ARID1B: variants seen among roughly 807,000 people sequenced by gnomAD.
The protein encoded by ARID1B is AT-rich interaction domain 1B.
ARID1B carries 30 observed loss-of-function variants against 212.3 expected under a neutral mutation model. The observed-to-expected ratio is 0.14, with a 90% CI of 0.11 to 0.19. ARID1B has a LOEUF of 0.19. Ranked by LOEUF, ARID1B falls within the 10% of genes least tolerant of loss-of-function variation. The pLI is 1.00. For missense variants in ARID1B, 2,891 were observed against 3,204.0 expected, an observed-to-expected ratio of 0.90 and a Z score of 2.36; for synonymous variants, 1,402 against 1,301.7, an observed-to-expected ratio of 1.08 and a Z score of -1.66.
intron 4 of ARID1B, among the ~76,000 whole-genome samples, chr6:156,985,963 C>A (rs1374438000): frequency 6.6e-6 from 1 of 152,154 alleles, no homozygotes; most frequent in Non-Finnish European, 1.5e-5. Context: ...GATGTAATGT[C>A]CTGTTGCACC....
At chr6:157,142,433 C>T (rs1056658590) in intron 7 of ARID1B, among the ~76,000 whole-genome samples, 3 of 152,050 alleles carry the variant, frequency 2.0e-5, no homozygotes, top group Non-Finnish European at 2.9e-5. Context: ...TGAGACTAGC[C>T]CGGGCAACAT....
At chr6:157,030,381 C>G (rs1247641909) in intron 4 of ARID1B, 1 of 152,250 alleles carries the variant, frequency 6.6e-6, no homozygotes, top group Non-Finnish European at 1.5e-5. Context: ...CCAGGTAAAT[C>G]ATAAATCCAG....
chr6:157,039,672 TCCTTCCTTCCTTCCTTCCTTCC>T (rs770054258), intron 4 of ARID1B, among the ~76,000 whole-genome samples: 4,442 of 107,088 alleles, frequency 0.041, 161 homozygotes, highest in Non-Finnish European at 0.065. Flanking sequence ...CTTCCTTCCT[TCCTTCCTTCCTTCCTTCCTTCC>T]TTCTTTCTTT....
At chr6:157,126,335 C>T (rs149346953) in intron 6 of ARID1B, among the ~76,000 whole-genome samples, 9 of 152,260 alleles carry the variant, frequency 5.9e-5, no homozygotes, top group African/African-American at 1.9e-4. Flanking sequence ...GAATGGGAGA[C>T]GCAGCCTCTA....
rs565535332 is a variant in ARID1B, at chr6:156,966,795, G to C, written c.2247+31219G>C. Among the ~76,000 whole-genome samples, 9 of 152,350 alleles carry C rather than the reference G, an allele frequency of 5.9e-5. No homozygotes were observed. In the South Asian group the frequency reaches 1.2e-3, roughly 21 times the overall value. On this transcript the variant is annotated intron_variant, in intron 4 of 19. Transcript: ENST00000636930. ...GGCTCACTGCATCCTCCGCCTTTCG[G>C]GTTCAAGCGTTTCTCCTGCCTTAGC...
At chr6:157,097,308 C>G (rs1254026741) in intron 5 of ARID1B, among the ~76,000 whole-genome samples, 2 of 152,180 alleles carry the variant, frequency 1.3e-5, no homozygotes, top group Non-Finnish European at 2.9e-5. Context: ...TTGGTCTCAA[C>G]TTTATACATT....
intron 6 of ARID1B, among the ~76,000 whole-genome samples, chr6:157,130,554 A>AATTTC (rs1314171768): frequency 7.9e-5 from 12 of 152,260 alleles, no homozygotes; most frequent in Admixed American, 7.2e-4. Context: ...AATTGAGCCC[A>AATTTC]ATTTCATAAG....
At chr6:156,847,132 C>G (rs928962947) in intron 2 of ARID1B, among the ~76,000 whole-genome samples, 1 of 152,026 alleles carries the variant, frequency 6.6e-6, no homozygotes, top group African/African-American at 2.4e-5. Flanking sequence ...TACCAGAAAC[C>G]TCTGCAAAGG....
chr6:156,937,538 T>C (rs1562496960), intron 4 of ARID1B: 1 of 152,360 alleles, frequency 6.6e-6, no homozygotes, highest in East Asian at 1.9e-4. Flanking sequence ...CATCACTCAC[T>C]AGTGCGTGCC....
intron 2 of ARID1B, among the ~76,000 whole-genome samples, chr6:156,894,305 C>CCGGGGGGTGGGGATGGGGGG (rs1788212008): frequency 8.3e-6 from 1 of 120,106 alleles, no homozygotes; most frequent in Non-Finnish European, 1.7e-5. Context: ...GGGATGGGGG[C>CCGGGGGGTGGGGATGGGGGG]CGGGGGTTGG....
chr6:157,063,493 T>C lies in ARID1B; in HGVS notation c.2248-21169T>C, dbSNP rs73581987. ...GGGGCCCTTTCCTCCTCTGTTAGAT[T>C]TTTTTTTAGATAGTTGTGCTATTAC... On this transcript the variant is annotated intron_variant, in intron 4 of 19. Transcript: ENST00000636930. Among the ~76,000 whole-genome samples the C allele has an allele frequency of 2.0e-5, 3 of 151,960 alleles. No individual in the cohort carries two copies. In the East Asian group the frequency reaches 5.8e-4, roughly 29 times the overall value.
At position 156,974,462 on chromosome 6, in the gene ARID1B, CTG is replaced by C. The variant is rs746180190; in HGVS notation, c.2247+38888_2247+38889del. 4.6e-5 allele frequency among the ~76,000 whole-genome samples: 7 copies of C among 152,206 alleles called. No individual in the cohort carries two copies. In the South Asian group the frequency reaches 1.0e-3, roughly 23 times the overall value. The stretch of plus-strand genomic sequence containing the variant: ...CAATTGTGTAGAGGTAAAGAGGAAA[CTG>C]TTGTAATTTTGTTTAAGATTGGAGA... On this transcript the variant is annotated intron_variant, in intron 4 of 19. Transcript: ENST00000636930.
At chr6:157,143,391 T>C (rs1789506697) in intron 7 of ARID1B, among the ~76,000 whole-genome samples, 1 of 151,384 alleles carries the variant, frequency 6.6e-6, no homozygotes, top group Non-Finnish European at 1.5e-5. Flanking sequence ...GGCTTACATA[T>C]TTGGTTTTTG....
At chr6:157,050,825 A>G (rs895853582) in intron 4 of ARID1B, among the ~76,000 whole-genome samples, 2 of 152,238 alleles carry the variant, frequency 1.3e-5, no homozygotes, top group Non-Finnish European at 2.9e-5. Context: ...CAAACATCGC[A>G]GGCACAATAT....
intron 18 of ARID1B, among the ~76,000 whole-genome samples, chr6:157,202,731 A>G (rs1794188390): frequency 6.7e-6 from 1 of 150,094 alleles, no homozygotes; most frequent in South Asian, 2.1e-4. Context: ...CCCTTTATAT[A>G]TATATATAGA....
At chr6:156,858,092 A>G (rs1785074563) in intron 2 of ARID1B, among the ~76,000 whole-genome samples, 1 of 152,204 alleles carries the variant, frequency 6.6e-6, no homozygotes, top group Non-Finnish European at 1.5e-5. Context: ...ATGAAACTGG[A>G]GGACATTATG....
At chr6:156,786,496 G>C (rs1439195495) in intron 1 of ARID1B, among the ~76,000 whole-genome samples, 1 of 152,178 alleles carries the variant, frequency 6.6e-6, no homozygotes, top group Non-Finnish European at 1.5e-5. Context: ...TTTGTGTAAG[G>C]TATTGGAATT....
intron 4 of ARID1B, chr6:157,022,432 T>C (rs1780375267): frequency 6.6e-6 from 1 of 152,258 alleles, no homozygotes; most frequent in Non-Finnish European, 1.5e-5. Context: ...CTTAATTAAA[T>C]GCTGAAGAGT....
intron 7 of ARID1B, among the ~76,000 whole-genome samples, chr6:157,145,826 C>T (rs7739813): frequency 0.012 from 1,831 of 152,258 alleles, 33 homozygotes; most frequent in African/African-American, 0.04. Flanking sequence ...GTGCCTTAGG[C>T]TCCTCGTCTT....
Sources: gnomAD v4.1 joint callset for allele counts (sites outside exome capture counted in the v4.1 genomes callset) on GRCh38, gnomAD v4.1.1 for gene constraint, MANE v1.5 for transcripts, NCBI Gene and HGNC (gene_info 2026-07-23, HGNC 2026-07-21) for gene names.